Variants in DTNB observed in about 807,000 individuals in gnomAD.
DTNB encodes DTN-B.
In DTNB, 63 loss-of-function variants were observed where a neutral mutation model predicts 90.7. That is an observed-to-expected ratio of 0.69 (90% CI 0.57 to 0.86). DTNB has a LOEUF of 0.86. Ranked by LOEUF, DTNB falls within the 40% of genes least tolerant of loss-of-function variation. The pLI is 0.00. For missense variants in DTNB, 744 were observed against 807.1 expected, an observed-to-expected ratio of 0.92 and a Z score of 0.95; for synonymous variants, 277 against 286.7, an observed-to-expected ratio of 0.97 and a Z score of 0.34.
chr2:25,641,949 T>C (rs1303017069), intron 2 of DTNB, among the ~76,000 whole-genome samples: 1 of 151,972 alleles, frequency 6.6e-6, no homozygotes, highest in African/African-American at 2.4e-5. Flanking sequence ...GCCTCCCGAG[T>C]AGCTGGGACA....
chr2:25,530,336 C>G (rs1162966555), intron 9 of DTNB, among the ~76,000 whole-genome samples: 1 of 152,088 alleles, frequency 6.6e-6, no homozygotes, highest in African/African-American at 2.4e-5. Context: ...ACTTGTGAGG[C>G]TGAAGTGGGA....
At chr2:25,627,937 C>A in intron 4 of DTNB, among the ~76,000 whole-genome samples, 1 of 152,096 alleles carries the variant, frequency 6.6e-6, no homozygotes, top group East Asian at 1.9e-4. Flanking sequence ...GGGGTTTCAC[C>A]GTGTTAGCCG....
intron 3 of DTNB, among the ~76,000 whole-genome samples, chr2:25,637,473 A>G (rs1181186482): frequency 6.6e-6 from 1 of 152,248 alleles, no homozygotes; most frequent in Non-Finnish European, 1.5e-5. Flanking sequence ...ACAAAGGGCT[A>G]ATATCCAGAA....
At chr2:25,547,786 G>A (rs2082748210) in intron 8 of DTNB, among the ~76,000 whole-genome samples, 1 of 152,092 alleles carries the variant, frequency 6.6e-6, no homozygotes, top group East Asian at 1.9e-4. Flanking sequence ...AAATAGTCGA[G>A]GCTTGATGCT....
intron 16 of DTNB, among the ~76,000 whole-genome samples, chr2:25,414,278 A>G (rs2384233): frequency 0.96 from 146,914 of 152,302 alleles, 70,879 homozygotes; most frequent in East Asian, 1. Context: ...TTTTGGAGAC[A>G]GAGTCTCGCT....
Position 25,387,384 on chromosome 2 carries a change from G to T in DTNB, c.1736-6C>A. On this transcript the variant is annotated splice_region_variant and splice_polypyrimidine_tract_variant and intron_variant, in intron 17 of 20. Coordinates refer to ENST00000406818, the MANE Select transcript of DTNB (RefSeq NM_021907.5). This position sits in a 1 kb window ranked among gnomAD's most constrained non-coding sequence, Gnocchi z 4.5. ...GCGGAGGTTTCTCCTCGTACCTGAGGAGAGGCAGAGCAGATGGGGATGCCA... is the reference window on the plus strand; with the variant it reads ...GCGGAGGTTTCTCCTCGTACCTGAGTAGAGGCAGAGCAGATGGGGATGCCA... 6.2e-7 allele frequency: 1 copy of T among 1,610,942 alleles called. No individual in the cohort carries two copies. Among genetic ancestry groups the T allele is most frequent in the South Asian group, 1.1e-5 (1 of 90,972 alleles).
At chr2:25,473,066 AT>A (rs2063109333) in intron 10 of DTNB, among the ~76,000 whole-genome samples, 1 of 152,200 alleles carries the variant, frequency 6.6e-6, no homozygotes, top group African/African-American at 2.4e-5. Context: ...ACATAATCAG[AT>A]TCGCATTTCA....
intron 16 of DTNB, among the ~76,000 whole-genome samples, chr2:25,403,119 G>C (rs952855568): frequency 6.6e-6 from 1 of 152,116 alleles, no homozygotes; most frequent in Non-Finnish European, 1.5e-5. Flanking sequence ...TGGTATCCCA[G>C]TAGTCTTTTT....
chr2:25,595,799 T>C (rs192220820), intron 6 of DTNB, among the ~76,000 whole-genome samples: 34 of 152,310 alleles, frequency 2.2e-4, no homozygotes, highest in Admixed American at 5.9e-4. Flanking sequence ...GAAAAAGTAA[T>C]ATATGTCCTG....
At chr2:25,578,763 G>A (rs532755229) in intron 7 of DTNB, among the ~76,000 whole-genome samples, 1 of 152,010 alleles carries the variant, frequency 6.6e-6, no homozygotes, top group Non-Finnish European at 1.5e-5. Context: ...ACCTACACTT[G>A]GATTAGTAAA....
intron 18 of DTNB, chr2:25,386,102 G>A (rs1218838259): frequency 2.0e-6 from 2 of 985,412 alleles, no homozygotes; most frequent in East Asian, 2.3e-4. Flanking sequence ...GATGGGGGTT[G>A]AGAAACAGTG....
chr2:25,561,742 C>T (rs2058296263), intron 8 of DTNB, among the ~76,000 whole-genome samples: 1 of 152,164 alleles, frequency 6.6e-6, no homozygotes, highest in Non-Finnish European at 1.5e-5. Context: ...TTCTGCTATG[C>T]CTTCCACCAT....
chr2:25,600,301 C>G (rs935429397), intron 5 of DTNB, among the ~76,000 whole-genome samples: 1 of 152,214 alleles, frequency 6.6e-6, no homozygotes, highest in African/African-American at 2.4e-5. Context: ...CTCCTTTGCA[C>G]ATTGCAATGC....
chr2:25,577,261 C>T (rs1244420918), intron 7 of DTNB, among the ~76,000 whole-genome samples: 1 of 151,938 alleles, frequency 6.6e-6, no homozygotes, highest in Non-Finnish European at 1.5e-5. Context: ...ATGGCAAAAC[C>T]CTGTCTCTAC....
chr2:25,388,391 T>C (rs757538986), intron 16 of DTNB, 30 bp from the exon 17 acceptor site: 3 of 1,580,202 alleles, frequency 1.9e-6, no homozygotes, highest in South Asian at 1.2e-5. Flanking sequence ...AAATACGTTA[T>C]CTCAAGTACC....
chr2:25,502,787 G>C (rs2071080365), intron 9 of DTNB, among the ~76,000 whole-genome samples: 2 of 150,890 alleles, frequency 1.3e-5, no homozygotes, highest in Admixed American at 1.3e-4. Flanking sequence ...TCGGGAGGCT[G>C]AGGCAGGAGA....
intron 16 of DTNB, among the ~76,000 whole-genome samples, chr2:25,416,853 G>A (rs1290146099): frequency 6.6e-6 from 1 of 151,686 alleles, no homozygotes; most frequent in Non-Finnish European, 1.5e-5. Flanking sequence ...AGGAAGGGTG[G>A]TTGGGTTAGG....
intron 16 of DTNB, among the ~76,000 whole-genome samples, chr2:25,405,366 C>A (rs1392904175): frequency 4.6e-5 from 7 of 152,140 alleles, no homozygotes; most frequent in Non-Finnish European, 1.5e-5. Context: ...CATGGTGAAA[C>A]CCCGTCTCTA....
chr2:25,657,827 T>G (rs1194845587), intron 1 of DTNB, among the ~76,000 whole-genome samples: 1 of 152,158 alleles, frequency 6.6e-6, no homozygotes, highest in East Asian at 1.9e-4. Flanking sequence ...GATACACAGA[T>G]GGTAAATAAG....
Sources: allele counts gnomAD v4.1 joint callset (sites outside exome capture counted in the v4.1 genomes callset), GRCh38; gene constraint gnomAD v4.1.1; non-coding constraint Gnocchi (gnomAD v3.1); transcripts MANE v1.5; gene names NCBI Gene and HGNC (gene_info 2026-07-23, HGNC 2026-07-21).